DNAH2: variants seen among roughly 807,000 people sequenced by gnomAD.
The protein encoded by DNAH2 is dynein axonemal heavy chain 2, also known as axonemal beta dynein heavy chain 2.
DNAH2 carries 323 observed loss-of-function variants against 523.5 expected under a neutral mutation model. The ratio of observed to expected loss-of-function variants is 0.62; its 90% confidence interval spans 0.56 to 0.68. The LOEUF is 0.68. Ranked by LOEUF, DNAH2 falls within the 30% of genes least tolerant of loss-of-function variation. The pLI is 0.00. For synonymous variants in DNAH2, 2,093 were observed against 2,177.4 expected, an observed-to-expected ratio of 0.96 and a Z score of 1.08; for missense variants, 4,907 against 5,701.5, an observed-to-expected ratio of 0.86 and a Z score of 4.49.
intron 73 of DNAH2, among the ~76,000 whole-genome samples, chr17:7,822,023 G>A (rs771393498): frequency 9.9e-5 from 15 of 152,104 alleles, no homozygotes; most frequent in African/African-American, 2.7e-4. Context: ...TGGCTGGACC[G>A]CAGTGGCAGT....
chr17:7,793,454 TCTTTCTTTC>T (rs2076961791), intron 48 of DNAH2, among the ~76,000 whole-genome samples: 1 of 83,776 alleles, frequency 1.2e-5, no homozygotes, highest in Non-Finnish European at 2.9e-5. Flanking sequence ...TCTTTTTCTT[TCTTTCTTTC>T]TTTCTTTCTT....
At chr17:7,739,292 G>C (rs969670705) in intron 8 of DNAH2, among the ~76,000 whole-genome samples, 1 of 152,176 alleles carries the variant, frequency 6.6e-6, no homozygotes, top group African/African-American at 2.4e-5. Flanking sequence ...TGTAATCCTA[G>C]CTGCTTGGGA....
At chr17:7,806,794 C>A (rs1036377557) in intron 61 of DNAH2, among the ~76,000 whole-genome samples, 1 of 151,492 alleles carries the variant, frequency 6.6e-6, no homozygotes, top group Non-Finnish European at 1.5e-5. Flanking sequence ...TTGTGGTTTA[C>A]TCTGCTCTGG....
Position 7,740,528 on chromosome 17 carries a change from C to T in DNAH2, c.1485C>T (p.Phe495=). The T allele has an allele frequency of 6.2e-7, 1 of 1,614,056 alleles. No homozygotes were observed. Among genetic ancestry groups the T allele is most frequent in the Non-Finnish European group, 8.5e-7 (1 of 1,180,020 alleles). Residue 495 remains phenylalanine (F), a synonymous_variant, in exon 10 of 86, where the codon TTC becomes TTT. Coordinates refer to ENST00000572933, the MANE Select transcript of DNAH2 (RefSeq NM_020877.5). ...ACGGCGTGCTTCTGCTGGACACCTT[C>T]CACAGGCTTGCCTCCCGCGAGGTGC... The part of the protein sequence containing the change: ...VPHGVLLLDT[F]HRLASREAIK...
In DNAH2 at chr17:7,800,804, T is replaced by C. The variant is rs112095071; in HGVS notation, c.8700-774T>C. ...ATGGCGTGAACCTGGGAGGTGGAGC[T>C]TGCAGTGAGCCTAGATGGCGCTACT... On this transcript the variant is annotated intron_variant, in intron 56 of 85. Coordinates refer to ENST00000572933, the MANE Select transcript of DNAH2 (RefSeq NM_020877.5). Among the ~76,000 whole-genome samples the C allele has an allele frequency of 3.2e-3, 477 of 148,462 alleles. 2 individuals are homozygous for C. The highest frequency in any genetic ancestry group is 5.7e-3 in the Non-Finnish European group (385 of 67,000).
intron 12 of DNAH2, among the ~76,000 whole-genome samples, chr17:7,753,450 C>T (rs1174085698): frequency 6.6e-6 from 1 of 152,038 alleles, no homozygotes; most frequent in African/African-American, 2.4e-5. Context: ...ATGTGAAGAA[C>T]CTCGGGGAGT....
intron 8 of DNAH2, among the ~76,000 whole-genome samples, chr17:7,739,233 C>T (rs2075233642): frequency 6.6e-6 from 1 of 152,142 alleles, no homozygotes; most frequent in African/African-American, 2.4e-5. Context: ...TGGTGAAACC[C>T]CGTCTCTACT....
At chr17:7,727,754 CAA>C (rs766811062) in intron 4 of DNAH2, among the ~76,000 whole-genome samples, 66 of 48,962 alleles carry the variant, frequency 1.3e-3, no homozygotes, top group African/African-American at 1.7e-3. Context: ...GACTCTGTCT[CAA>C]AAAAAAAAAA....
At chr17:7,726,087 C>A (rs186823353) in intron 3 of DNAH2, among the ~76,000 whole-genome samples, 197 of 151,742 alleles carry the variant, frequency 1.3e-3, no homozygotes, top group African/African-American at 4.5e-3. Flanking sequence ...GTCACTGCAA[C>A]CTCTGCCTCC....
chr17:7,745,571 C>G (rs529166187), intron 12 of DNAH2, among the ~76,000 whole-genome samples: 1 of 151,720 alleles, frequency 6.6e-6, no homozygotes, highest in South Asian at 2.1e-4. Flanking sequence ...AATCCCAACA[C>G]TTTGGAAGGC....
Position 7,760,938 on chromosome 17 carries a change from T to A in DNAH2, c.2978+6T>A. The stretch of plus-strand genomic sequence containing the variant: ...TTTGTTGCCGACATTGCCCGGTGAG[T>A]GGTGAGGGTGGATTGAAAGTCTGTC... On this transcript the variant is annotated splice_donor_region_variant and intron_variant, in intron 18 of 85. Coordinates refer to ENST00000572933, the MANE Select transcript of DNAH2 (RefSeq NM_020877.5). This position sits in a 1 kb window ranked among gnomAD's most constrained non-coding sequence, Gnocchi z 4.0. 1 of 1,612,880 alleles carries A rather than the reference T, an allele frequency of 6.2e-7. No homozygotes were observed. Among genetic ancestry groups the A allele is most frequent in the Non-Finnish European group, 8.5e-7 (1 of 1,179,496 alleles).
At position 7,821,838 on chromosome 17, in the gene DNAH2, C is replaced by T. The variant is rs947894329; in HGVS notation, c.11142+469C>T. On this transcript the variant is annotated intron_variant, in intron 73 of 85. Transcript: ENST00000572933. This position sits in a 1 kb window ranked among gnomAD's most constrained non-coding sequence, Gnocchi z 5.0. ...GAAGAACACATCCACACCGACTGGA[C>T]GCGCTTTAAGTCCATGATCGTGAAC... 5.3e-5 allele frequency among the ~76,000 whole-genome samples: 8 copies of T among 152,146 alleles called. No individual in the cohort carries two copies. Among genetic ancestry groups the T allele is most frequent in the Admixed American group, 3.3e-4 (5 of 15,274 alleles).
At chr17:7,737,724 C>T (rs920842580) in intron 8 of DNAH2, among the ~76,000 whole-genome samples, 3 of 152,122 alleles carry the variant, frequency 2.0e-5, no homozygotes, top group African/African-American at 4.8e-5. Flanking sequence ...TGAGACCTTG[C>T]TGGGCAGGGT....
rs1227502000 is a variant in DNAH2, at chr17:7,793,518, C to CTTTCTTT, written c.7569+314_7569+315insTTCTTTT. ...TTCTTTCTTTCTTTCTTTCTTTCTT[C>CTTTCTTT]TCTTTCTCTTTCTTTCTTTTTCTTT... is the stretch of plus-strand genomic sequence containing the variant. On this transcript the variant is annotated intron_variant, in intron 48 of 85. Coordinates refer to ENST00000572933, the MANE Select transcript of DNAH2 (RefSeq NM_020877.5). 4.0e-5 allele frequency among the ~76,000 whole-genome samples: 3 copies of CTTTCTTT among 75,276 alleles called. No individual in the cohort carries two copies. The East Asian group carries it at 9.5e-4, about 24-fold the overall frequency. 49.4% of individuals were successfully genotyped at this position (75,276 alleles called of 152,430 possible).
intron 4 of DNAH2, among the ~76,000 whole-genome samples, chr17:7,729,387 G>GA (rs538804255): frequency 0.015 from 1,941 of 129,480 alleles, 25 homozygotes; most frequent in African/African-American, 0.037. Context: ...TCTCCAAAAA[G>GA]AAAAAAAAAA....
intron 8 of DNAH2, among the ~76,000 whole-genome samples, chr17:7,739,209 C>G (rs1360514534): frequency 6.6e-6 from 1 of 152,124 alleles, no homozygotes; most frequent in Non-Finnish European, 1.5e-5. Context: ...AGTTCGAGAC[C>G]AGCCTGGCCA....
At position 7,774,813 on chromosome 17, in the gene DNAH2, C is replaced by T; in HGVS notation, c.4556C>T (p.Ser1519Phe). Residue 1519 changes from serine (S) to phenylalanine (F), a missense_variant, in exon 29 of 86, where the codon TCT (serine) becomes TTT (phenylalanine). Coordinates refer to ENST00000572933, the MANE Select transcript of DNAH2 (RefSeq NM_020877.5). ...MNTILEDIQK[S>F]LDMYLETKRH... Reference sequence around the variant, plus strand: ...ACAATCCTGGAAGATATTCAGAAATCTCTGGATATGTATTTAGAGACCAAG... The same window carrying T: ...ACAATCCTGGAAGATATTCAGAAATTTCTGGATATGTATTTAGAGACCAAG... 6.2e-7 allele frequency: 1 copy of T among 1,614,214 alleles called. No homozygotes were observed. Among genetic ancestry groups the T allele is most frequent in the Non-Finnish European group, 8.5e-7 (1 of 1,180,036 alleles).
chr17:7,832,949 G>A lies in DNAH2; in HGVS notation c.12978+21G>A, dbSNP rs149521105. The stretch of plus-strand genomic sequence containing the variant: ...CCAAGGTGGGAGCCAGTTGTGCTTG[G>A]GGCTCTGAGCAAAAGAGGGTACTGG... On this transcript the variant is annotated intron_variant, in intron 84 of 85. Coordinates refer to ENST00000572933, the MANE Select transcript of DNAH2 (RefSeq NM_020877.5). The surrounding 1 kb of genome is among the most constrained non-coding windows in gnomAD (Gnocchi z 4.3). 4.0e-3 allele frequency: 6,402 copies of A among 1,614,130 alleles called. 45 individuals carry two copies. The highest frequency in any genetic ancestry group is 0.029 in the Middle Eastern group (174 of 6,062).
intron 35 of DNAH2, 68 bp from the exon 36 acceptor site, chr17:7,779,175 C>G: frequency 1.3e-6 from 2 of 1,568,882 alleles, no homozygotes; most frequent in Non-Finnish European, 1.7e-6. Context: ...AGGAAGGGTG[C>G]GTTAATCACG....
Sources: allele counts gnomAD v4.1 joint callset (sites outside exome capture counted in the v4.1 genomes callset), GRCh38; gene constraint gnomAD v4.1.1; non-coding constraint Gnocchi (gnomAD v3.1); transcripts MANE v1.5; gene names NCBI Gene and HGNC (gene_info 2026-07-23, HGNC 2026-07-21).